GSG1L: variants seen among roughly 807,000 people sequenced by gnomAD.
The protein encoded by GSG1L is germ cell-specific gene 1-like protein.
GSG1L carries 24 observed loss-of-function variants against 42.1 expected under a neutral mutation model. The ratio of observed to expected loss-of-function variants is 0.57; its 90% CI spans 0.41 to 0.80. GSG1L has a LOEUF of 0.80. Ranked by LOEUF, GSG1L falls within the 30% of genes least tolerant of loss-of-function variation. The pLI, the probability that GSG1L is intolerant of heterozygous loss-of-function variation, is 0.00. For synonymous variants in GSG1L, 215 were observed against 203.5 expected (o/e 1.06, Z -0.48); for missense variants, 445 against 472.2 (o/e 0.94, Z 0.53).
chr16:27,915,513 G>A (rs2194165), intron 2 of GSG1L, among the ~76,000 whole-genome samples: 70,437 of 152,036 alleles, frequency 0.46, 17,480 homozygotes, highest in African/African-American at 0.65. Flanking sequence ...GTTCTCAGTC[G>A]TTCATTCACT....
intron 4 of GSG1L, among the ~76,000 whole-genome samples, chr16:27,837,667 C>T (rs1443539324): frequency 2.6e-5 from 4 of 152,242 alleles, no homozygotes; most frequent in Non-Finnish European, 4.4e-5. Flanking sequence ...GATGAAAGTC[C>T]ACCTGGTGAT....
At chr16:28,016,443 G>C (rs553576918) in intron 1 of GSG1L, among the ~76,000 whole-genome samples, 1 of 152,170 alleles carries the variant, frequency 6.6e-6, no homozygotes, top group Non-Finnish European at 1.5e-5. Flanking sequence ...GGATTTACCC[G>C]TGCTCAGATT....
chr16:27,804,197 G>A (rs72780157), intron 6 of GSG1L, among the ~76,000 whole-genome samples: 27,173 of 151,828 alleles, frequency 0.18, 2,504 homozygotes, highest in African/African-American at 0.22. Flanking sequence ...ACTGCATAGC[G>A]AACTCCGTCC....
At chr16:28,054,165 T>C (rs1371611268) in intron 1 of GSG1L, among the ~76,000 whole-genome samples, 2 of 152,136 alleles carry the variant, frequency 1.3e-5, no homozygotes, top group African/African-American at 2.4e-5. Flanking sequence ...GGCCAGGACA[T>C]GGGACAAGGC....
intron 2 of GSG1L, among the ~76,000 whole-genome samples, chr16:27,901,982 C>T (rs1194818223): frequency 6.6e-6 from 1 of 152,246 alleles, no homozygotes; most frequent in Non-Finnish European, 1.5e-5. Flanking sequence ...CAGATGACCC[C>T]AACCCCTCCA....
chr16:28,042,178 G>A (rs753147950), intron 1 of GSG1L, among the ~76,000 whole-genome samples: 19 of 152,198 alleles, frequency 1.2e-4, no homozygotes, highest in Non-Finnish European at 2.2e-4. Flanking sequence ...GTTCGTGCCT[G>A]TAATCCTAGC....
intron 1 of GSG1L, among the ~76,000 whole-genome samples, chr16:27,985,425 C>T (rs1280921070): frequency 6.6e-6 from 1 of 152,218 alleles, no homozygotes; most frequent in Non-Finnish European, 1.5e-5. Context: ...GGACACACTG[C>T]CTTCCCCTTC....
chr16:27,890,808 C>T (rs1312114078), intron 2 of GSG1L, among the ~76,000 whole-genome samples: 2 of 152,336 alleles, frequency 1.3e-5, no homozygotes, highest in East Asian at 3.9e-4. Context: ...TGTGTATCTG[C>T]TGTGATTGTC....
intron 2 of GSG1L, among the ~76,000 whole-genome samples, chr16:27,926,423 G>A (rs1596618709): frequency 1.3e-5 from 2 of 152,096 alleles, no homozygotes; most frequent in South Asian, 4.1e-4. Context: ...AAGCCACTGG[G>A]CCTGGGAGGC....
intron 2 of GSG1L, among the ~76,000 whole-genome samples, chr16:27,933,450 C>G (rs2084678201): frequency 6.6e-6 from 1 of 151,942 alleles, no homozygotes; most frequent in Non-Finnish European, 1.5e-5. Context: ...AGTTTTGAGA[C>G]CAGCCAGGGC....
intron 1 of GSG1L, among the ~76,000 whole-genome samples, chr16:28,041,819 A>G (rs1241979110): frequency 1.3e-5 from 2 of 152,224 alleles, no homozygotes; most frequent in African/African-American, 4.8e-5. Flanking sequence ...CTCAAGATGC[A>G]AAGCACATTC....
At position 28,063,172 on chromosome 16, in the gene GSG1L, C is replaced by T; in HGVS notation, c.253G>A (p.Ala85Thr). 7.4e-7 allele frequency: 1 copy of T among 1,356,446 alleles called. No homozygotes were observed. The highest frequency in any genetic ancestry group is 1.8e-5 in the South Asian group (1 of 56,598). 84.0% of individuals were successfully genotyped at this position (1,356,446 alleles called of 1,614,324 possible). Residue 85 changes from alanine (A) to threonine (T), a missense_variant, in exon 1 of 7, where the codon GCG becomes ACG. Transcript: ENST00000447459. This position sits in a 1 kb window ranked among gnomAD's most constrained non-coding sequence, Gnocchi z 5.8. ...TASGNGPPGG[A>T]LYSWETGDDR... ...TCGCCGGTCTCCCAGCTGTAGAGCGCGCCGCCAGGGGGGCCGTTCCCCGAG... is the reference window on the plus strand; with the variant it reads ...TCGCCGGTCTCCCAGCTGTAGAGCGTGCCGCCAGGGGGGCCGTTCCCCGAG...
intron 2 of GSG1L, among the ~76,000 whole-genome samples, chr16:27,954,091 T>C (rs2084980091): frequency 1.3e-5 from 2 of 152,024 alleles, no homozygotes; most frequent in African/African-American, 4.8e-5. Flanking sequence ...CAGGAGGAAG[T>C]GTCCAGGAGG....
intron 3 of GSG1L, among the ~76,000 whole-genome samples, chr16:27,861,798 G>A (rs1194183041): frequency 6.6e-6 from 1 of 152,140 alleles, no homozygotes; most frequent in Non-Finnish European, 1.5e-5. Context: ...CCCACGTCTT[G>A]TTATTTGTTA....
At chr16:27,936,143 C>T (rs562456313) in intron 2 of GSG1L, among the ~76,000 whole-genome samples, 36 of 152,048 alleles carry the variant, frequency 2.4e-4, no homozygotes, top group African/African-American at 7.5e-4. Flanking sequence ...AAGGAAAGAA[C>T]AAGGAAGTGG....
intron 1 of GSG1L, among the ~76,000 whole-genome samples, chr16:28,060,607 C>T (rs561446435): frequency 2.0e-5 from 3 of 152,194 alleles, no homozygotes; most frequent in Non-Finnish European, 2.9e-5. Flanking sequence ...ACTTCCCTGA[C>T]CCCTCAACTG....
At chr16:27,867,999 GT>G (rs2083753171) in intron 3 of GSG1L, among the ~76,000 whole-genome samples, 1 of 152,246 alleles carries the variant, frequency 6.6e-6, no homozygotes, top group African/African-American at 2.4e-5. Flanking sequence ...GAAACCAGCA[GT>G]TCCTCCAGCG....
chr16:28,024,003 C>T (rs2085874217), intron 1 of GSG1L, among the ~76,000 whole-genome samples: 1 of 152,044 alleles, frequency 6.6e-6, no homozygotes, highest in Non-Finnish European at 1.5e-5. Context: ...GCACTCTAGC[C>T]TGGATGACAG....
chr16:27,911,266 G>GCTCGCTCTCTCTCTCTCT lies in GSG1L; in HGVS notation c.398-26629_398-26628insAGAGAGAGAGAGAGCGAG, dbSNP rs568864667. Among the ~76,000 whole-genome samples the GCTCGCTCTCTCTCTCTCT allele has an allele frequency of 3.3e-3, 397 of 122,118 alleles. 5 individuals carry two copies. The highest frequency in any genetic ancestry group is 0.013 in the African/African-American group (377 of 28,604). 80.1% of individuals were successfully genotyped at this position (122,118 alleles called of 152,430 possible). A position where few individuals can be genotyped will look rare whatever the true frequency, so the allele number is the denominator to read the frequency against. ...TCTCTAGCCTCATCACCTCTCTCTC[G>GCTCGCTCTCTCTCTCTCT]CTCTCTCTCTCTCTCTCTCTCTCTC... On this transcript the variant is annotated intron_variant, in intron 2 of 6. Transcript: ENST00000447459.
Sources: allele counts gnomAD v4.1 joint callset (sites outside exome capture counted in the v4.1 genomes callset), GRCh38; gene constraint gnomAD v4.1.1; non-coding constraint Gnocchi (gnomAD v3.1); transcripts MANE v1.5; gene names NCBI Gene and HGNC (gene_info 2026-07-23, HGNC 2026-07-21).